The following DLGAP2 variants were observed in gnomAD, a reference collection of about 807,000 sequenced individuals.
The protein encoded by DLGAP2 is disks large-associated protein 2.
In DLGAP2, 26 loss-of-function variants were observed where a neutral mutation model predicts 100.3. That is an observed-to-expected ratio of 0.26 (90% CI 0.19 to 0.36). The LOEUF is 0.36. Among genes scored for constraint, DLGAP2 ranks in the 10% least tolerant of loss-of-function variants. DLGAP2 has a pLI of 1.00. For synonymous variants in DLGAP2, 886 were observed against 630.1 expected (o/e 1.41, Z -6.08); for missense variants, 1,858 against 1,453.2 (o/e 1.28, Z -4.53).
intron 4 of DLGAP2, among the ~76,000 whole-genome samples, chr8:1,545,508 G>A (rs1801504205): frequency 6.6e-6 from 1 of 152,126 alleles, no homozygotes; most frequent in Non-Finnish European, 1.5e-5. Context: ...TGGAAATTAG[G>A]AAACTAAGAT....
At chr8:1,466,067 G>A (rs1039634692) in intron 3 of DLGAP2, among the ~76,000 whole-genome samples, 3 of 152,144 alleles carry the variant, frequency 2.0e-5, no homozygotes, top group African/African-American at 4.8e-5. Context: ...TGACAGCGCC[G>A]TCTGCTTGTG....
intron 6 of DLGAP2, among the ~76,000 whole-genome samples, chr8:1,573,298 G>T (rs1554500555): frequency 1.5e-5 from 2 of 133,006 alleles, no homozygotes; most frequent in African/African-American, 5.9e-5. Context: ...CTGATGAGAT[G>T]GAGAGGAGAG....
chr8:1,460,295 A>G (rs1274746279), intron 3 of DLGAP2, among the ~76,000 whole-genome samples: 2 of 152,190 alleles, frequency 1.3e-5, no homozygotes, highest in African/African-American at 2.4e-5. Flanking sequence ...CTTGTGTCTT[A>G]TGACTATTTT....
At chr8:1,306,504 A>G (rs1800495579) in intron 3 of DLGAP2, among the ~76,000 whole-genome samples, 1 of 152,214 alleles carries the variant, frequency 6.6e-6, no homozygotes, top group African/African-American at 2.4e-5. Context: ...AGATGTCAGA[A>G]CTACTAATGG....
chr8:1,636,400 G>A (rs560972862), intron 8 of DLGAP2, among the ~76,000 whole-genome samples: 1 of 152,252 alleles, frequency 6.6e-6, no homozygotes, highest in Admixed American at 6.5e-5. Context: ...TGTCTCTCAA[G>A]GGTACATAGT....
At chr8:1,303,241 C>T (rs979100800) in intron 3 of DLGAP2, among the ~76,000 whole-genome samples, 6 of 151,976 alleles carry the variant, frequency 3.9e-5, no homozygotes, top group Admixed American at 1.3e-4. Context: ...ACTAAAAATA[C>T]AAAAAACTAG....
At chr8:1,155,086 T>C (rs1200827938) in intron 2 of DLGAP2, among the ~76,000 whole-genome samples, 2 of 152,074 alleles carry the variant, frequency 1.3e-5, no homozygotes, top group African/African-American at 4.8e-5. Context: ...ACTGCCTTCG[T>C]CGGAGGGGCC....
At chr8:810,354 T>A (rs1362159999) in intron 1 of DLGAP2, among the ~76,000 whole-genome samples, 1 of 152,180 alleles carries the variant, frequency 6.6e-6, no homozygotes, top group South Asian at 2.1e-4. Context: ...TTAAGGAAAA[T>A]ATAGGGTAGT....
intron 2 of DLGAP2, among the ~76,000 whole-genome samples, chr8:1,011,531 T>C (rs182130584): frequency 0.021 from 2,938 of 141,376 alleles, 68 homozygotes; most frequent in African/African-American, 0.077. Context: ...AGCCCTGGAA[T>C]GAGGAGTCTC....
intron 6 of DLGAP2, among the ~76,000 whole-genome samples, chr8:1,592,088 G>A (rs748486302): frequency 6.6e-6 from 1 of 152,112 alleles, no homozygotes; most frequent in Non-Finnish European, 1.5e-5. Context: ...GCCCTTGTTG[G>A]GCCCAGACAC....
chr8:1,586,822 C>A (rs1178666863), intron 6 of DLGAP2, among the ~76,000 whole-genome samples: 1 of 152,216 alleles, frequency 6.6e-6, no homozygotes. Context: ...GCTCAACCAC[C>A]AGTCTACTTA....
At chr8:841,680 C>G (rs989019984) in intron 1 of DLGAP2, among the ~76,000 whole-genome samples, 1 of 152,098 alleles carries the variant, frequency 6.6e-6, no homozygotes, top group Non-Finnish European at 1.5e-5. Context: ...CTCCTGGGCT[C>G]AAGCGATTCT....
intron 2 of DLGAP2, among the ~76,000 whole-genome samples, chr8:1,059,079 G>T (rs563564637): frequency 1.3e-5 from 2 of 152,276 alleles, no homozygotes; most frequent in African/African-American, 4.8e-5. Flanking sequence ...ATGTGTCCAT[G>T]GGTAAACCTC....
chr8:1,045,559 A>G (rs1325380178), intron 2 of DLGAP2, among the ~76,000 whole-genome samples: 1 of 152,148 alleles, frequency 6.6e-6, no homozygotes, highest in Non-Finnish European at 1.5e-5. Context: ...GGTGGACTGC[A>G]GTCTCCATGC....
At chr8:1,639,052 G>T (rs1369217648) in intron 8 of DLGAP2, among the ~76,000 whole-genome samples, 1 of 152,190 alleles carries the variant, frequency 6.6e-6, no homozygotes. Flanking sequence ...CTCAGCAGCC[G>T]AAGCCAACAG....
chr8:1,218,458 T>TTTG (rs964968582), intron 2 of DLGAP2, among the ~76,000 whole-genome samples: 93 of 151,894 alleles, frequency 6.1e-4, no homozygotes, highest in East Asian at 3.7e-3. Context: ...GTGTCTGGGT[T>TTTG]TTGTTGTTGT....
chr8:1,273,746 T>A (rs576715117), intron 3 of DLGAP2, among the ~76,000 whole-genome samples: 2 of 152,370 alleles, frequency 1.3e-5, no homozygotes, highest in Non-Finnish European at 2.9e-5. Context: ...TCAGGATATC[T>A]GCTGCATGTT....
chr8:1,273,800 G>A (rs938991568), intron 3 of DLGAP2, among the ~76,000 whole-genome samples: 1 of 152,150 alleles, frequency 6.6e-6, no homozygotes, highest in Non-Finnish European at 1.5e-5. Context: ...GAGCTAAGTG[G>A]GATTCTGTTC....
At chr8:812,372 G>A (rs1796388626) in intron 1 of DLGAP2, among the ~76,000 whole-genome samples, 1 of 152,192 alleles carries the variant, frequency 6.6e-6, no homozygotes, top group Admixed American at 6.5e-5. Context: ...GGTGTCTGCG[G>A]GAAGTCCCTG....
Sources: allele counts gnomAD v4.1 joint callset (sites outside exome capture counted in the v4.1 genomes callset), GRCh38; gene constraint gnomAD v4.1.1; transcripts MANE v1.5; gene names NCBI Gene and HGNC (gene_info 2026-07-23, HGNC 2026-07-21).